The following ALG1L2 variants were observed in gnomAD, a reference collection of about 807,000 sequenced individuals.
ALG1L2 encodes the protein ALG1 chitobiosyldiphosphodolichol beta-mannosyltransferase like 2.
Under a neutral mutation model 29.0 loss-of-function variants are expected in ALG1L2, and 32 were observed. The observed-to-expected ratio is 1.10, with a 90% confidence interval of 0.83 to 1.48. ALG1L2 has a LOEUF of 1.48. Among genes scored for constraint, ALG1L2 ranks in the 40% most tolerant of loss-of-function variants. ALG1L2 has a pLI of 0.00. For synonymous variants in ALG1L2, 110 were observed against 109.5 expected (o/e 1.00, Z -0.03); for missense variants, 318 against 274.1 (o/e 1.16, Z -1.13).
intron 5 of ALG1L2, among the ~76,000 whole-genome samples, chr3:130,095,533 T>C (rs1403630765): frequency 2.6e-5 from 4 of 151,886 alleles, no homozygotes; most frequent in South Asian, 2.1e-4. Context: ...CTTTCCCAGG[T>C]TCAAGTGATT....
rs1935003140 is a variant in ALG1L2 at position 130,091,099 on chromosome 3, C to T, written c.21-162C>T. ...AAAAGCCCCTTTCATTCGGTGATTC[C>T]TCAGGTCTTTAGGGGAAATTTCTGG... On this transcript the variant is annotated intron_variant, in intron 1 of 7. Transcript: ENST00000425059. The T allele has an allele frequency of 9.0e-6, 6 of 666,534 alleles. No homozygotes were observed. The South Asian group carries it at 1.1e-4, about 13-fold the overall frequency. The allele number at this position is 666,534 out of a possible 1,614,324, so 41.3% of individuals were successfully genotyped here. A position where few individuals can be genotyped will look rare whatever the true frequency, so the allele number is the denominator to read the frequency against.
chr3:130,087,965 T>C (rs1203341350), intron 1 of ALG1L2, among the ~76,000 whole-genome samples: 1 of 152,308 alleles, frequency 6.6e-6, no homozygotes, highest in African/African-American at 2.4e-5. Context: ...TCCAGAATAA[T>C]AAGCAGCCAG....
At chr3:130,086,166 T>C (rs2108115464) in intron 1 of ALG1L2, among the ~76,000 whole-genome samples, 1 of 151,370 alleles carries the variant, frequency 6.6e-6, no homozygotes, top group African/African-American at 2.4e-5. Context: ...AATAAGAGGT[T>C]AATCTGTGGG....
At chr3:130,082,198 T>G in intron 1 of ALG1L2, among the ~76,000 whole-genome samples, 162 bp downstream of exon 1, 1 of 147,710 alleles carries the variant, frequency 6.8e-6, no homozygotes, top group Non-Finnish European at 1.5e-5. Flanking sequence ...TGGGGAAGAG[T>G]GTGAGAGGGA....
Position 130,092,156 on chromosome 3 carries a change from G to T in ALG1L2, c.187G>T (p.Gly63Trp), listed in dbSNP as rs1233712953. ...ERSAFTERDSGSGLVTRLHER... is the reference protein window; with the variant it reads ...ERSAFTERDSWSGLVTRLHER... Reference sequence around the variant, plus strand: ...GTCGGCCTTCACGGAGCGGGATTCTGGGAGCGGGCTGGTGACGCGTCTCCA... The same window carrying T: ...GTCGGCCTTCACGGAGCGGGATTCTTGGAGCGGGCTGGTGACGCGTCTCCA... Residue 63 changes from glycine to tryptophan, a missense_variant, in exon 3 of 8, where the codon GGG (glycine) becomes TGG (tryptophan). Gly to Trp is a radical substitution (Grantham distance 184, BLOSUM62 -2). Coordinates refer to ENST00000425059, the MANE Select transcript of ALG1L2 (RefSeq NM_001136152.1). The T allele has an allele frequency of 6.2e-7, 1 of 1,613,466 alleles. No individual in the cohort carries two copies. The highest frequency in any genetic ancestry group is 8.5e-7 in the Non-Finnish European group (1 of 1,179,802).
chr3:130,082,125 A>T, intron 1 of ALG1L2, 89 bp downstream of exon 1: 1 of 1,432,620 alleles, frequency 7.0e-7, no homozygotes, highest in Non-Finnish European at 9.6e-7. Context: ...CCCTTGAAGA[A>T]ATCAGGGTAC....
chr3:130,089,666 A>C (rs77762544), intron 1 of ALG1L2, among the ~76,000 whole-genome samples: 21 of 152,322 alleles, frequency 1.4e-4, no homozygotes, highest in African/African-American at 4.3e-4. Flanking sequence ...TGTGGATTAC[A>C]TTATATTTCT....
intron 1 of ALG1L2, among the ~76,000 whole-genome samples, chr3:130,084,915 TGTGTG>T: frequency 9.6e-5 from 1 of 10,470 alleles, no homozygotes; most frequent in South Asian, 2.4e-3. Context: ...ATATATGTAG[TGTGTG>T]TGTGTATATA....
intron 3 of ALG1L2, 74 bp from the exon 4 acceptor site, chr3:130,093,027 C>G (rs113984133): frequency 1.0e-6 from 1 of 1,000,114 alleles, no homozygotes; most frequent in Non-Finnish European, 1.3e-6. Context: ...GAGAGTCTGT[C>G]AGAAAAAAAA....
In ALG1L2 at chr3:130,097,172, C is replaced by A. The variant is rs770709309; in HGVS notation, c.540-3C>A. The A allele has an allele frequency of 1.9e-6, 3 of 1,611,874 alleles. No homozygotes were observed. In the Admixed American group the frequency reaches 5.0e-5, roughly 27 times the overall value. On this transcript the variant is annotated splice_polypyrimidine_tract_variant and splice_region_variant and intron_variant, in intron 6 of 7. Transcript: ENST00000425059. Reference sequence around the variant, plus strand: ...TCTCGGGCTCCTTTTGTTCTCTCTGCAGTTTACATGAGCTGGTGAAACATG... The same window carrying A: ...TCTCGGGCTCCTTTTGTTCTCTCTGAAGTTTACATGAGCTGGTGAAACATG...
intron 1 of ALG1L2, among the ~76,000 whole-genome samples, chr3:130,087,512 G>C (rs1225905952): frequency 8.7e-5 from 13 of 149,314 alleles, no homozygotes; most frequent in African/African-American, 2.9e-4. Context: ...TTAGAAAACC[G>C]TATTGTAGCA....
rs932226253 is a variant in ALG1L2 at position 130,083,552 on chromosome 3, G to A, written c.20+1516G>A. Among the ~76,000 whole-genome samples the A allele has an allele frequency of 9.1e-5, 12 of 131,440 alleles. 4 individuals are homozygous for A. The highest frequency in any genetic ancestry group is 4.2e-4 in the East Asian group (2 of 4,816). The allele number at this position is 131,440 out of a possible 152,430, so 86.2% of individuals were successfully genotyped here. ...ATGCCACATACAAAGTACAAATTAC[G>A]TCATTTCTGTGATTCCACATTTGAG... On this transcript the variant is annotated intron_variant, in intron 1 of 7. Coordinates refer to ENST00000425059, the MANE Select transcript of ALG1L2 (RefSeq NM_001136152.1).
intron 5 of ALG1L2, among the ~76,000 whole-genome samples, chr3:130,094,715 A>T (rs557861203): frequency 3.9e-5 from 6 of 152,236 alleles, no homozygotes; most frequent in African/African-American, 1.4e-4. Context: ...GCCCTTTACC[A>T]AGGGGTTTGA....
chr3:130,085,157 A>C lies in ALG1L2; in HGVS notation c.20+3121A>C, dbSNP rs535736982. Among the ~76,000 whole-genome samples, 107 of 131,210 alleles carry C rather than the reference A, an allele frequency of 8.2e-4. 5 individuals are homozygous for C. The highest frequency in any genetic ancestry group is 1.7e-3 in the South Asian group (7 of 4,132). The allele number at this position is 131,210 out of a possible 152,430, so 86.1% of individuals were successfully genotyped here. ...TGTATTTTTAGTAGAGACAGGTTTC[A>C]CCATGTTGGCCAGGCTGGTCTTGAT... is the stretch of plus-strand genomic sequence containing the variant. On this transcript the variant is annotated intron_variant, in intron 1 of 7. Transcript: ENST00000425059.
In ALG1L2 at chr3:130,092,103, C is replaced by T; in HGVS notation, c.134C>T (p.Ser45Leu). 6.2e-7 allele frequency: 1 copy of T among 1,613,536 alleles called. No homozygotes were observed. The highest frequency in any genetic ancestry group is 8.5e-7 in the Non-Finnish European group (1 of 1,179,814). The change falls in exon 3 of 8, where the codon TCA (serine) becomes TTA (leucine). Residue 45 changes from serine (S) to leucine (L), a missense_variant and splice_region_variant. Physicochemically the swap from Ser to Leu is moderately radical, Grantham distance 145. Transcript: ENST00000425059. ...AGGGTTTTTTTCTGCTCCTTCAGCTCAGAACCTGAGGACCCAGACACAGAG... is the reference window on the plus strand; with the variant it reads ...AGGGTTTTTTTCTGCTCCTTCAGCTTAGAACCTGAGGACCCAGACACAGAG... Reference protein sequence around the residue: ...GSTHSPFRARSEPEDPDTERS... With the variant: ...GSTHSPFRARLEPEDPDTERS...
Position 130,090,886 on chromosome 3 carries a change from G to C in ALG1L2, c.21-375G>C, listed in dbSNP as rs545789805. On this transcript the variant is annotated intron_variant, in intron 1 of 7. Coordinates refer to ENST00000425059, the MANE Select transcript of ALG1L2 (RefSeq NM_001136152.1). ...CTGCTTTCTAAGGATGAAGACCCCT[G>C]GTTCGTGCTTTAGCGACACCCACAG... is the stretch of plus-strand genomic sequence containing the variant. 1.2e-5 allele frequency: 3 copies of C among 249,718 alleles called. No homozygotes were observed. In the South Asian group the frequency reaches 1.5e-4, roughly 13 times the overall value. 15.5% of individuals were successfully genotyped at this position (249,718 alleles called of 1,614,324 possible).
In ALG1L2 at chr3:130,098,305, C is replaced by T. The variant is rs1399695684; in HGVS notation, c.*50C>T. On this transcript the variant is annotated 3_prime_UTR_variant, in exon 8 of 8. Coordinates refer to ENST00000425059, the MANE Select transcript of ALG1L2 (RefSeq NM_001136152.1). ...CCGGAAGAACCTGCGGGAGTCGCAG[C>T]AGCTCTGATGGGATGAGAGCTGGGT... 2 of 1,596,354 alleles carry T rather than the reference C, an allele frequency of 1.3e-6. No homozygotes were observed. The highest frequency in any genetic ancestry group is 1.3e-5 in the African/African-American group (1 of 74,856).
chr3:130,093,091 T>C lies in ALG1L2; in HGVS notation c.254-10T>C, dbSNP rs774454434. ...ATTCCATGTAGAATTGTTTCTTTTT[T>C]TAAACACAGAGTTTGAACAACTGAC... On this transcript the variant is annotated splice_polypyrimidine_tract_variant and intron_variant, in intron 3 of 7. Transcript: ENST00000425059. 1.2e-6 allele frequency: 2 copies of C among 1,600,504 alleles called. No individual in the cohort carries two copies. The highest frequency in any genetic ancestry group is 1.7e-5 in the Admixed American group (1 of 57,500).
chr3:130,089,461 T>C (rs1358008105), intron 1 of ALG1L2: 1 of 151,300 alleles, frequency 6.6e-6, no homozygotes, highest in Non-Finnish European at 1.5e-5. Context: ...GTGTAAAATA[T>C]ACACTAGATT....
Sources: gnomAD v4.1 joint callset for allele counts (sites outside exome capture counted in the v4.1 genomes callset) on GRCh38, gnomAD v4.1.1 for gene constraint, MANE v1.5 for transcripts, NCBI Gene and HGNC (gene_info 2026-07-23, HGNC 2026-07-21) for gene names.